FOXP2: variants seen among roughly 807,000 people sequenced by gnomAD.
The protein encoded by FOXP2 is forkhead box protein P2.
FOXP2 carries 12 observed loss-of-function variants against 115.8 expected under a neutral mutation model. The observed-to-expected ratio is 0.10, with a 90% confidence interval of 0.07 to 0.17. The LOEUF (loss-of-function observed/expected upper bound fraction) is 0.17, where lower values mean the gene tolerates loss of function less well. Among genes scored for constraint, FOXP2 ranks in the 10% least tolerant of loss-of-function variants. The pLI is 1.00. For synonymous variants in FOXP2, 328 were observed against 297.7 expected (o/e 1.10, Z -1.05); for missense variants, 629 against 843.5 (o/e 0.75, Z 3.15).
intron 2 of FOXP2, among the ~76,000 whole-genome samples, chr7:114,392,748 G>A (rs1004494182): frequency 4.6e-5 from 7 of 152,176 alleles, no homozygotes; most frequent in African/African-American, 1.7e-4. Context: ...ACTCACAGAA[G>A]ACTGAATTTG....
intron 2 of FOXP2, among the ~76,000 whole-genome samples, chr7:114,346,125 C>A (rs181354165): frequency 1.1e-4 from 17 of 151,770 alleles, no homozygotes; most frequent in Non-Finnish European, 2.5e-4. Context: ...ATGATGTAGA[C>A]AGTCATATAC....
At chr7:114,575,315 T>A (rs1801517677) in intron 3 of FOXP2, among the ~76,000 whole-genome samples, 1 of 151,840 alleles carries the variant, frequency 6.6e-6, no homozygotes, top group Non-Finnish European at 1.5e-5. Context: ...GCAATAGATG[T>A]TGAGTCAGTA....
At chr7:114,247,782 T>C (rs1795325971) in intron 1 of FOXP2, among the ~76,000 whole-genome samples, 1 of 152,180 alleles carries the variant, frequency 6.6e-6, no homozygotes, top group Non-Finnish European at 1.5e-5. Flanking sequence ...AGAAATGCAA[T>C]AATAGTACGA....
chr7:114,652,079 CAAGGCTTTCTGTTTTCCCAGTGCACAG>C, intron 8 of FOXP2, 97 bp from the exon 9 acceptor site: 1 of 850,928 alleles, frequency 1.2e-6, no homozygotes. Flanking sequence ...TGTATGGTTT[CAAGGCTTTCTGTTTTCCCAGTGCACAG>C]AAACATCTGA....
intron 1 of FOXP2, among the ~76,000 whole-genome samples, chr7:114,202,544 C>G (rs991673543): frequency 6.6e-6 from 1 of 152,176 alleles, no homozygotes; most frequent in Non-Finnish European, 1.5e-5. Flanking sequence ...ACTTCAAGCT[C>G]TTTAGGCCTT....
At chr7:114,377,218 AT>A (rs1792162631) in intron 2 of FOXP2, among the ~76,000 whole-genome samples, 2 of 152,318 alleles carry the variant, frequency 1.3e-5, no homozygotes, top group South Asian at 2.1e-4. Flanking sequence ...TTCAAGGTGG[AT>A]TGGAAAACAA....
chr7:114,128,212 G>T (rs1325997040), intron 1 of FOXP2, among the ~76,000 whole-genome samples: 1 of 152,074 alleles, frequency 6.6e-6, no homozygotes, highest in Non-Finnish European at 1.5e-5. Flanking sequence ...AGCTGTAAAA[G>T]ACCTTGGTTT....
chr7:114,546,654 G>A (rs1020596522), intron 3 of FOXP2, among the ~76,000 whole-genome samples: 18 of 151,756 alleles, frequency 1.2e-4, no homozygotes, highest in African/African-American at 4.1e-4. Context: ...AATCCCTGGA[G>A]TCTTCTCTGA....
intron 1 of FOXP2, among the ~76,000 whole-genome samples, chr7:114,277,647 T>C (rs1235127711): frequency 6.6e-6 from 1 of 152,164 alleles, no homozygotes; most frequent in Non-Finnish European, 1.5e-5. Context: ...TTTTCAGTTC[T>C]AACACTAATG....
chr7:114,204,992 C>T (rs915826848), intron 1 of FOXP2, among the ~76,000 whole-genome samples: 7 of 151,440 alleles, frequency 4.6e-5, no homozygotes, highest in Non-Finnish European at 8.8e-5. Context: ...TGCCTTTTGC[C>T]GTAGACTGCT....
intron 1 of FOXP2, among the ~76,000 whole-genome samples, chr7:114,277,763 A>C (rs912035169): frequency 1.8e-4 from 27 of 151,988 alleles, no homozygotes; most frequent in Non-Finnish European, 3.1e-4. Flanking sequence ...TATTTGATTA[A>C]AAAAGCAGAA....
intron 3 of FOXP2, among the ~76,000 whole-genome samples, chr7:114,600,975 A>G (rs906539502): frequency 3.8e-5 from 5 of 131,076 alleles, no homozygotes; most frequent in Admixed American, 3.7e-4. Flanking sequence ...TTTTTTTTTA[A>G]TTTTTTGAAA....
intron 1 of FOXP2, among the ~76,000 whole-genome samples, chr7:114,241,073 A>G (rs928912553): frequency 2.6e-5 from 4 of 152,086 alleles, no homozygotes; most frequent in Non-Finnish European, 5.9e-5. Context: ...ATAAAATGTG[A>G]TTCATGAATC....
In FOXP2 at chr7:114,478,404, T is replaced by C. The variant is rs1020806023; in HGVS notation, c.168+51725T>C. 2.6e-5 allele frequency among the ~76,000 whole-genome samples: 4 copies of C among 151,878 alleles called. No homozygotes were observed. In the East Asian group the frequency reaches 7.7e-4, roughly 29 times the overall value. The stretch of plus-strand genomic sequence containing the variant: ...AAACAAAGGAATTTAAACAAAGTTA[T>C]GAATAAGGAATGAGTAATTATTTAT... On this transcript the variant is annotated intron_variant, in intron 2 of 16. Coordinates refer to ENST00000350908, the MANE Select transcript of FOXP2 (RefSeq NM_014491.4).
chr7:114,185,968 A>C (rs1793592620), intron 1 of FOXP2, among the ~76,000 whole-genome samples: 1 of 151,614 alleles, frequency 6.6e-6, no homozygotes, highest in African/African-American at 2.4e-5. Flanking sequence ...TTGCTATGGC[A>C]TCACGTGGAA....
chr7:114,456,231 T>C (rs1354741919), intron 2 of FOXP2, among the ~76,000 whole-genome samples: 2 of 152,154 alleles, frequency 1.3e-5, no homozygotes, highest in Non-Finnish European at 2.9e-5. Flanking sequence ...AGGTCAAACA[T>C]GATAAAACTG....
At chr7:114,524,156 A>G (rs1381766421) in intron 2 of FOXP2, among the ~76,000 whole-genome samples, 2 of 152,298 alleles carry the variant, frequency 1.3e-5, no homozygotes, top group Middle Eastern at 3.4e-3. Flanking sequence ...GAAGAAGATT[A>G]TTATTAAAAA....
chr7:114,510,285 A>C (rs1465744907), intron 2 of FOXP2, among the ~76,000 whole-genome samples: 1 of 152,128 alleles, frequency 6.6e-6, no homozygotes, highest in African/African-American at 2.4e-5. Flanking sequence ...TCCATGACTG[A>C]TATGCTATTC....
At chr7:114,285,078 A>G (rs1234271087) in intron 1 of FOXP2, among the ~76,000 whole-genome samples, 2 of 152,142 alleles carry the variant, frequency 1.3e-5, no homozygotes, top group African/African-American at 4.8e-5. Context: ...ACTAAAGTGT[A>G]CTAGGCTCAA....
Sources: allele counts gnomAD v4.1 joint callset (sites outside exome capture counted in the v4.1 genomes callset), GRCh38; gene constraint gnomAD v4.1.1; transcripts MANE v1.5; gene names NCBI Gene and HGNC (gene_info 2026-07-23, HGNC 2026-07-21).